The following GPAM variants were observed in gnomAD, a reference collection of about 807,000 sequenced individuals.
GPAM encodes glycerol-3-phosphate acyltransferase, mitochondrial, also known as glycerol-3-phosphate acyltransferase 1, mitochondrial.
GPAM carries 56 observed loss-of-function variants against 105.0 expected under a neutral mutation model. The ratio of observed to expected loss-of-function variants is 0.53; its 90% CI spans 0.43 to 0.67. The LOEUF (loss-of-function observed/expected upper bound fraction) is 0.67, where lower values mean the gene tolerates loss of function less well. Among genes scored for constraint, GPAM ranks in the 30% least tolerant of loss-of-function variants. The pLI, the probability that GPAM is intolerant of heterozygous loss-of-function variation, is 0.00. For synonymous variants in GPAM, 368 were observed against 354.4 expected (o/e 1.04, Z -0.43); for missense variants, 855 against 989.8 (o/e 0.86, Z 1.83).
chr10:112,168,286 G>A (rs772466881), intron 11 of GPAM, 26 bp downstream of exon 11: 4 of 1,307,876 alleles, frequency 3.1e-6, no homozygotes, highest in Non-Finnish European at 4.4e-6. Flanking sequence ...GATAAGCAAA[G>A]AAAACTTTTG....
chr10:112,199,017 G>T (rs1847759644), intron 1 of GPAM, among the ~76,000 whole-genome samples: 1 of 151,438 alleles, frequency 6.6e-6, no homozygotes, highest in Non-Finnish European at 1.5e-5. Context: ...CCGCCTCCTG[G>T]GTTCAAGCAA....
At chr10:112,192,832 C>T (rs538465126) in intron 1 of GPAM, among the ~76,000 whole-genome samples, 29 of 152,250 alleles carry the variant, frequency 1.9e-4, no homozygotes, top group African/African-American at 6.0e-4. Flanking sequence ...AAATAGAAGC[C>T]CATGTCTATG....
intron 17 of GPAM, among the ~76,000 whole-genome samples, chr10:112,159,029 T>C (rs1847071858): frequency 6.6e-6 from 1 of 152,074 alleles, no homozygotes; most frequent in African/African-American, 2.4e-5. Context: ...AAAGAAAATA[T>C]CGGAATTCAA....
intron 1 of GPAM, among the ~76,000 whole-genome samples, chr10:112,206,718 T>C (rs759743456): frequency 6.7e-5 from 10 of 148,706 alleles, no homozygotes; most frequent in East Asian, 6.1e-4. Flanking sequence ...TACCTAATGA[T>C]AGATGACACG....
Position 112,180,526 on chromosome 10 carries a change from G to T in GPAM, c.172C>A (p.Arg58=). The T allele has an allele frequency of 6.2e-7, 1 of 1,612,994 alleles. No homozygotes were observed. The change falls in exon 4 of 22, where the codon CGG becomes AGG. Residue 58 remains arginine (R), a synonymous_variant. Transcript: ENST00000348367. ...CATCTTCCAACAAATGGCCTTTTCC[G>T]ACTCATTAGGCTTTCTTTCCATTTT... The part of the protein sequence containing the change: ...TLKWKESLMS[R]KRPFVGRCCY...
At chr10:112,157,217 G>C in intron 19 of GPAM, 32 bp downstream of exon 19, 2 of 1,595,600 alleles carry the variant, frequency 1.3e-6, no homozygotes, top group Non-Finnish European at 1.7e-6. Flanking sequence ...ACATATCCCT[G>C]TAATATCCAC....
At chr10:112,186,680 G>A (rs548740801), upstream of GPAM, among the ~76,000 whole-genome samples, 11 of 152,036 alleles carry the variant, frequency 7.2e-5, no homozygotes, top group African/African-American at 2.4e-4. Flanking sequence ...CCGAGTAGCT[G>A]GGATTACAGG....
upstream of GPAM, among the ~76,000 whole-genome samples, chr10:112,217,259 C>A (rs1847980476): frequency 1.3e-5 from 2 of 152,178 alleles, no homozygotes; most frequent in African/African-American, 4.8e-5. Context: ...TAAATGCAAT[C>A]ATAGGATATG....
At chr10:112,172,661 C>T (rs1171002673) in intron 8 of GPAM, among the ~76,000 whole-genome samples, 1 of 152,128 alleles carries the variant, frequency 6.6e-6, no homozygotes, top group African/African-American at 2.4e-5. Context: ...TTATTATCTG[C>T]CACTTGAGAC....
intron 12 of GPAM, among the ~76,000 whole-genome samples, chr10:112,165,973 A>T (rs1024574129): frequency 6.6e-6 from 1 of 152,110 alleles, no homozygotes; most frequent in African/African-American, 2.4e-5. Flanking sequence ...GGTAATTGGG[A>T]TAACCATCAC....
In GPAM at chr10:112,159,955, C is replaced by T; in HGVS notation, c.1858G>A (p.Ala620Thr). The T allele has an allele frequency of 2.5e-6, 4 of 1,613,968 alleles. No individual in the cohort carries two copies. Among genetic ancestry groups the T allele is most frequent in the Non-Finnish European group, 2.5e-6 (3 of 1,179,890 alleles). ...TTGGAGAGAAGGTAGCACAGGCTGG[C>T]CGCCTTCCGCACCAGCTGCTCCTGG... ...ISQEQLVRKA[A>T]SLCYLLSNEG... Residue 620 changes from alanine (A) to threonine (T), a missense_variant, in exon 17 of 22, where the codon GCC becomes ACC. Transcript: ENST00000348367.
intron 1 of GPAM, among the ~76,000 whole-genome samples, chr10:112,192,332 G>C (rs1305762039): frequency 1.3e-5 from 2 of 152,194 alleles, no homozygotes; most frequent in Non-Finnish European, 2.9e-5. Flanking sequence ...ATGGCATATG[G>C]TATGTAGGGA....
the GPAM span, among the ~76,000 whole-genome samples, chr10:112,222,470 T>C: frequency 4.6e-5 from 7 of 152,186 alleles, no homozygotes; most frequent in Admixed American, 4.6e-4. Context: ...TTGCTATACC[T>C]GGCATAGATC....
chr10:112,190,678 A>G (rs1260392879), intron 1 of GPAM, among the ~76,000 whole-genome samples: 3 of 152,170 alleles, frequency 2.0e-5, no homozygotes, highest in Non-Finnish European at 4.4e-5. Context: ...GATGACTGGA[A>G]TAGCATAGTG....
intron 21 of GPAM, 164 bp downstream of exon 21, chr10:112,154,465 C>A: frequency 1.5e-6 from 1 of 653,736 alleles, no homozygotes; most frequent in Non-Finnish European, 2.8e-6. Context: ...TCAACATAGC[C>A]CAACCCATCC....
At chr10:112,223,008 A>T in the GPAM span, among the ~76,000 whole-genome samples, 1 of 151,552 alleles carries the variant, frequency 6.6e-6, no homozygotes, top group Non-Finnish European at 1.5e-5. Flanking sequence ...ACCCCAGGCC[A>T]CTCCTGGTCA....
chr10:112,177,039 C>CA (rs916856085), intron 5 of GPAM, among the ~76,000 whole-genome samples: 8 of 151,526 alleles, frequency 5.3e-5, no homozygotes, highest in African/African-American at 9.7e-5. Context: ...ATCATCTTAT[C>CA]AAAAAAAATT....
rs1387340534 is a variant in GPAM at position 112,152,623 on chromosome 10, C to T, written c.*927G>A. ...GAACTGTATTCTAACAGTCTGTCAG[C>T]TCAAGCTAATCAAGTTAGGAAAACT... On this transcript the variant is annotated 3_prime_UTR_variant, in exon 22 of 22. Coordinates refer to ENST00000348367, the MANE Select transcript of GPAM (RefSeq NM_001244949.2). The T allele has an allele frequency of 2.0e-6, 2 of 985,222 alleles. No homozygotes were observed. The highest frequency in any genetic ancestry group is 3.5e-5 in the African/African-American group (2 of 57,228). The allele number at this position is 985,222 out of a possible 1,614,324, so 61.0% of individuals were successfully genotyped here.
intron 1 of GPAM, among the ~76,000 whole-genome samples, chr10:112,202,643 C>T (rs2133296680): frequency 6.6e-6 from 1 of 152,266 alleles, no homozygotes; most frequent in African/African-American, 2.4e-5. Flanking sequence ...ATTTTACATG[C>T]TGACACCATA....
Sources: allele counts gnomAD v4.1 joint callset (sites outside exome capture counted in the v4.1 genomes callset), GRCh38; gene constraint gnomAD v4.1.1; transcripts MANE v1.5; gene names NCBI Gene and HGNC (gene_info 2026-07-23, HGNC 2026-07-21).